ASTN1: variants seen among roughly 807,000 people sequenced by gnomAD.
ASTN1 encodes astrotactin 1.
Under a neutral mutation model 140.7 loss-of-function variants are expected in ASTN1, and 41 were observed. That is an observed-to-expected ratio of 0.29 (90% CI 0.23 to 0.38). The LOEUF (loss-of-function observed/expected upper bound fraction) is 0.38. ASTN1 is among the 10% of genes least tolerant of loss of function. The probability of loss-of-function intolerance (pLI) is 1.00; values close to 1 mark genes in which losing one functional copy is unlikely to be tolerated. For missense variants in ASTN1, 1,479 were observed against 1,678.8 expected (o/e 0.88, Z 2.08); for synonymous variants, 640 against 652.2 (o/e 0.98, Z 0.29).
chr1:176,903,730 T>C (rs1008209929), intron 16 of ASTN1, among the ~76,000 whole-genome samples: 2 of 152,218 alleles, frequency 1.3e-5, no homozygotes, highest in East Asian at 3.9e-4. Flanking sequence ...CTTAGTTTCC[T>C]AGGGCTGCTA....
At chr1:177,012,831 G>A (rs1211846967) in intron 8 of ASTN1, among the ~76,000 whole-genome samples, 2 of 152,170 alleles carry the variant, frequency 1.3e-5, no homozygotes, top group Non-Finnish European at 2.9e-5. Context: ...ATCACTCAGG[G>A]CAGAAGTGAA....
Position 176,862,272 on chromosome 1 carries a change from G to T in ASTN1, c.*2012C>A. 1 of 985,422 alleles carries T rather than the reference G, an allele frequency of 1.0e-6. No homozygotes were observed. 61.0% of individuals were successfully genotyped at this position (985,422 alleles called of 1,614,324 possible). On this transcript the variant is annotated 3_prime_UTR_variant, in exon 23 of 23. Transcript: ENST00000361833. ...GAGAGTTTGAAATAAATCCTTCAGT[G>T]TTTGGAAAGAAGGAGAGAGGAGAGT...
chr1:176,933,873 G>A (rs1475831242), intron 16 of ASTN1, among the ~76,000 whole-genome samples: 1 of 152,136 alleles, frequency 6.6e-6, no homozygotes, highest in Non-Finnish European at 1.5e-5. Context: ...AAAATGGATG[G>A]TGGCTGGCAA....
At chr1:176,928,048 C>A (rs1441459414) in intron 16 of ASTN1, among the ~76,000 whole-genome samples, 2 of 150,828 alleles carry the variant, frequency 1.3e-5, no homozygotes, top group Non-Finnish European at 3.0e-5. Context: ...TATATATGCA[C>A]AAACTCATAT....
At chr1:177,056,008 C>T (rs953653152) in intron 2 of ASTN1, among the ~76,000 whole-genome samples, 5 of 152,144 alleles carry the variant, frequency 3.3e-5, no homozygotes, top group Admixed American at 2.0e-4. Context: ...ACATTGGAAG[C>T]GGCTGTGCTC....
chr1:177,083,093 G>T (rs1047508266), intron 1 of ASTN1, among the ~76,000 whole-genome samples: 1 of 152,044 alleles, frequency 6.6e-6, no homozygotes, highest in African/African-American at 2.4e-5. Flanking sequence ...ATGGACCAGT[G>T]CTTATTTTCA....
intron 7 of ASTN1, among the ~76,000 whole-genome samples, chr1:177,022,582 G>A (rs999352694): frequency 2.0e-5 from 3 of 152,138 alleles, no homozygotes; most frequent in Admixed American, 2.0e-4. Context: ...CTCCCTCAGG[G>A]AAACCCCAGC....
At chr1:176,883,730 C>T (rs898274556) in intron 19 of ASTN1, among the ~76,000 whole-genome samples, 11 of 152,214 alleles carry the variant, frequency 7.2e-5, no homozygotes, top group African/African-American at 2.7e-4. Flanking sequence ...CTGGTGACCA[C>T]ATCCCATGCA....
intron 16 of ASTN1, among the ~76,000 whole-genome samples, chr1:176,906,469 TG>T (rs1670004539): frequency 6.6e-6 from 1 of 151,978 alleles, no homozygotes; most frequent in Non-Finnish European, 1.5e-5. Context: ...TTGCAAGGCG[TG>T]GGGCAGACAG....
chr1:176,973,532 G>T (rs78633168), intron 8 of ASTN1, among the ~76,000 whole-genome samples: 1 of 152,074 alleles, frequency 6.6e-6, no homozygotes, highest in Non-Finnish European at 1.5e-5. Flanking sequence ...ATCCCTGACC[G>T]CTAACCTCAA....
At chr1:177,021,153 G>A (rs1675802690) in intron 7 of ASTN1, among the ~76,000 whole-genome samples, 1 of 152,220 alleles carries the variant, frequency 6.6e-6, no homozygotes, top group Admixed American at 6.5e-5. Flanking sequence ...TCATGAAAAT[G>A]AGAGTCTTTG....
At chr1:177,163,015 T>C (rs1365597118) in intron 1 of ASTN1, among the ~76,000 whole-genome samples, 1 of 152,136 alleles carries the variant, frequency 6.6e-6, no homozygotes, top group Non-Finnish European at 1.5e-5. Flanking sequence ...ATTTTTGAAA[T>C]TGCTTTTCCC....
At position 176,864,327 on chromosome 1, in the gene ASTN1, A is replaced by T; in HGVS notation, c.3842T>A (p.Leu1281Gln). ...CCCATAGTCGTTGTAGGGGATACTC[A>T]GGGTCTGCTCCTCACACGTCTTCCT... ...DLRKTCEEQT[L>Q]SIPYNDYGDS... Residue 1281 changes from leucine to glutamine, a missense_variant, in exon 23 of 23, where the codon CTG becomes CAG. By Grantham distance (113) the Leu-to-Gln change is moderately radical. Around this residue, in one of 3 missense-constraint regions of ASTN1, gnomAD observed 746 missense variants for 800.9 expected, o/e 0.93. Transcript: ENST00000361833. 6.2e-7 allele frequency: 1 copy of T among 1,614,046 alleles called. No homozygotes were observed. Among genetic ancestry groups the T allele is most frequent in the South Asian group, 1.1e-5 (1 of 91,064 alleles).
chr1:177,038,702 A>T (rs570099916), intron 2 of ASTN1, among the ~76,000 whole-genome samples: 51 of 152,190 alleles, frequency 3.4e-4, no homozygotes, highest in Non-Finnish European at 5.9e-4. Context: ...TACTTTAGCA[A>T]GGCATTTTTT....
chr1:176,927,850 A>G (rs1036059121), intron 16 of ASTN1, among the ~76,000 whole-genome samples: 2 of 152,206 alleles, frequency 1.3e-5, no homozygotes, highest in Admixed American at 6.5e-5. Context: ...ATTCTTTTCA[A>G]TCTTTTAAAA....
At chr1:176,907,914 G>T (rs1432619772) in intron 16 of ASTN1, among the ~76,000 whole-genome samples, 1 of 152,140 alleles carries the variant, frequency 6.6e-6, no homozygotes, top group East Asian at 1.9e-4. Context: ...TCACCTTCCT[G>T]CACTTTTAAC....
At chr1:176,963,343 C>A (rs546766678) in intron 9 of ASTN1, among the ~76,000 whole-genome samples, 2 of 152,072 alleles carry the variant, frequency 1.3e-5, no homozygotes, top group Non-Finnish European at 2.9e-5. Context: ...TTAGAGTGGT[C>A]GTTGGTAGGT....
intron 16 of ASTN1, among the ~76,000 whole-genome samples, chr1:176,929,489 G>A (rs1298926448): frequency 6.6e-6 from 1 of 152,170 alleles, no homozygotes; most frequent in African/African-American, 2.4e-5. Flanking sequence ...AGAAGGACCG[G>A]GTGATTCCTT....
At chr1:177,045,286 T>C (rs942218621) in intron 2 of ASTN1, among the ~76,000 whole-genome samples, 1 of 152,216 alleles carries the variant, frequency 6.6e-6, no homozygotes, top group Non-Finnish European at 1.5e-5. Context: ...TCTAAATTCC[T>C]TCCACAGCCC....
Sources: gnomAD v4.1 joint callset for allele counts (sites outside exome capture counted in the v4.1 genomes callset) on GRCh38, gnomAD v4.1.1 for gene constraint, gnomAD v4.1.1 regional missense constraint, MANE v1.5 for transcripts, NCBI Gene and HGNC (gene_info 2026-07-23, HGNC 2026-07-21) for gene names.